COLEC10: variants seen among roughly 807,000 people sequenced by gnomAD.
COLEC10 encodes collectin subfamily member 10.
Under a neutral mutation model 28.4 loss-of-function variants are expected in COLEC10, and 22 were observed. The observed-to-expected ratio is 0.78, with a 90% CI of 0.55 to 1.11. The LOEUF is 1.11. Ranked by LOEUF, COLEC10 falls within the 50% of genes least tolerant of loss-of-function variation. COLEC10 has a pLI of 0.00. For missense variants in COLEC10, 361 were observed against 344.1 expected, an observed-to-expected ratio of 1.05 and a Z score of -0.39; for synonymous variants, 125 against 116.1, an observed-to-expected ratio of 1.08 and a Z score of -0.49.
chr8:118,974,918 G>T, the COLEC10 span, among the ~76,000 whole-genome samples: 1 of 152,106 alleles, frequency 6.6e-6, no homozygotes, highest in East Asian at 1.9e-4. Context: ...GGGGAAAAAG[G>T]GAGACATTTA....
At chr8:118,970,602 T>C in the COLEC10 span, among the ~76,000 whole-genome samples, 1 of 151,724 alleles carries the variant, frequency 6.6e-6, no homozygotes, top group African/African-American at 2.4e-5. Flanking sequence ...AATCTCAATA[T>C]ATGTTTATGC....
At chr8:119,072,359 TA>T (rs2130235627) in intron 1 of COLEC10, among the ~76,000 whole-genome samples, 1 of 151,934 alleles carries the variant, frequency 6.6e-6, no homozygotes, top group South Asian at 2.1e-4. Context: ...CAACCATGTT[TA>T]AATTTAATTA....
chr8:119,065,164 C>T (rs76013168), upstream of COLEC10, among the ~76,000 whole-genome samples: 1,975 of 152,230 alleles, frequency 0.013, 40 homozygotes, highest in African/African-American at 0.046. Context: ...CCCCAGGCCA[C>T]GAACTGGTAT....
At chr8:119,072,480 G>A (rs1815144137) in intron 1 of COLEC10, among the ~76,000 whole-genome samples, 1 of 152,072 alleles carries the variant, frequency 6.6e-6, no homozygotes, top group Non-Finnish European at 1.5e-5. Context: ...CATTCCCATT[G>A]AACAGATGAA....
intron 2 of COLEC10, among the ~76,000 whole-genome samples, chr8:119,059,569 T>C (rs2130192932): frequency 6.6e-6 from 1 of 152,242 alleles, no homozygotes; most frequent in South Asian, 2.1e-4. Context: ...GTACTTTGTT[T>C]GCATATCTCC....
At chr8:118,996,710 T>C (rs1303053252) in intron 1 of COLEC10, among the ~76,000 whole-genome samples, 1 of 152,180 alleles carries the variant, frequency 6.6e-6, no homozygotes, top group East Asian at 1.9e-4. Flanking sequence ...AACTGGGTAA[T>C]TTATGAGAAA....
At chr8:118,957,355 G>T in the COLEC10 span, among the ~76,000 whole-genome samples, 1 of 152,196 alleles carries the variant, frequency 6.6e-6, no homozygotes, top group African/African-American at 2.4e-5. Flanking sequence ...TAATGTAATG[G>T]TGACGGCTAT....
chr8:119,060,879 T>C (rs1284728766), intron 2 of COLEC10, among the ~76,000 whole-genome samples: 2 of 152,120 alleles, frequency 1.3e-5, no homozygotes, highest in Non-Finnish European at 2.9e-5. Flanking sequence ...CCAGATGTTT[T>C]ATTAAAGTCA....
At chr8:119,065,713 C>T (rs757374981), upstream of COLEC10, among the ~76,000 whole-genome samples, 27 of 151,808 alleles carry the variant, frequency 1.8e-4, no homozygotes, top group Non-Finnish European at 3.1e-4. Context: ...AAAAAATTAG[C>T]CAGGTGCAGT....
chr8:118,960,655 T>C, the COLEC10 span, among the ~76,000 whole-genome samples: 1 of 151,778 alleles, frequency 6.6e-6, no homozygotes, highest in Non-Finnish European at 1.5e-5. Context: ...TGTGGTGGCA[T>C]GCGCCTGTAG....
the COLEC10 span, among the ~76,000 whole-genome samples, chr8:118,978,407 T>A: frequency 6.6e-6 from 1 of 152,100 alleles, no homozygotes; most frequent in Admixed American, 6.6e-5. Flanking sequence ...CAGGACATTT[T>A]TGATTATATT....
chr8:119,103,920 T>A (rs747933844), intron 5 of COLEC10, 25 bp downstream of exon 5: 5 of 1,420,902 alleles, frequency 3.5e-6, no homozygotes, highest in Non-Finnish European at 5.0e-6. Context: ...TTTTGTGTTA[T>A]GTATCTATTG....
chr8:118,966,711 C>T, the COLEC10 span, among the ~76,000 whole-genome samples: 2 of 151,442 alleles, frequency 1.3e-5, no homozygotes, highest in African/African-American at 2.4e-5. Context: ...GACTATTTAA[C>T]TCCAACCATA....
the COLEC10 span, among the ~76,000 whole-genome samples, chr8:118,968,379 A>G: frequency 1.3e-5 from 2 of 152,002 alleles, no homozygotes; most frequent in African/African-American, 4.8e-5. Flanking sequence ...CCATCTGGTT[A>G]TGCAATAGAC....
At chr8:118,988,659 C>T in the COLEC10 span, among the ~76,000 whole-genome samples, 1 of 152,116 alleles carries the variant, frequency 6.6e-6, no homozygotes, top group Non-Finnish European at 1.5e-5. Flanking sequence ...TCCTTCTTCA[C>T]CACACCTTAC....
At chr8:118,976,927 A>C in the COLEC10 span, among the ~76,000 whole-genome samples, 1 of 151,354 alleles carries the variant, frequency 6.6e-6, no homozygotes, top group Admixed American at 6.6e-5. Context: ...ACCCCATCAA[A>C]AAGTGGGCGA....
chr8:119,071,928 C>CA (rs1012571415), intron 1 of COLEC10, among the ~76,000 whole-genome samples: 1 of 152,104 alleles, frequency 6.6e-6, no homozygotes, highest in African/African-American at 2.4e-5. Context: ...CACATGCTCC[C>CA]AAAAAAGGAC....
intron 2 of COLEC10, among the ~76,000 whole-genome samples, chr8:119,023,656 G>GT (rs1214875761): frequency 3.3e-4 from 50 of 152,228 alleles, no homozygotes; most frequent in African/African-American, 1.2e-3. Context: ...GTGAATAACA[G>GT]TAAGTAAAAC....
intron 1 of COLEC10, among the ~76,000 whole-genome samples, chr8:119,089,325 G>C (rs1466900933): frequency 6.6e-6 from 1 of 151,078 alleles, no homozygotes; most frequent in African/African-American, 2.4e-5. Context: ...GTGTGCCTCT[G>C]TGTGTGTGTG....
Sources: gnomAD v4.1 joint callset for allele counts (sites outside exome capture counted in the v4.1 genomes callset) on GRCh38, gnomAD v4.1.1 for gene constraint, MANE v1.5 for transcripts, NCBI Gene and HGNC (gene_info 2026-07-23, HGNC 2026-07-21) for gene names.